Variants in RPTOR observed in about 807,000 individuals in gnomAD.
RPTOR encodes regulatory associated protein of MTOR complex 1.
RPTOR carries 21 observed loss-of-function variants against 169.9 expected under a neutral mutation model. That is an observed-to-expected ratio of 0.12 (90% CI 0.09 to 0.18). RPTOR has a LOEUF of 0.18. RPTOR is among the 10% of genes least tolerant of loss of function. The pLI, the probability that RPTOR is intolerant of heterozygous loss-of-function variation, is 1.00. For missense variants in RPTOR, 1,133 were observed against 1,855.9 expected, an observed-to-expected ratio of 0.61 and a Z score of 7.16; for synonymous variants, 732 against 753.2, an observed-to-expected ratio of 0.97 and a Z score of 0.46.
At chr17:80,930,317 T>TCAGCC in intron 24 of RPTOR, among the ~76,000 whole-genome samples, 1 of 21,322 alleles carries the variant, frequency 4.7e-5, no homozygotes, top group Non-Finnish European at 9.1e-5. Flanking sequence ...CATCCCCAGC[T>TCAGCC]CAGCTCAGCT....
At position 80,845,144 on chromosome 17, in the gene RPTOR, C is replaced by T. The variant is rs1319109572; in HGVS notation, c.1213-1329C>T. 5.3e-5 allele frequency among the ~76,000 whole-genome samples: 8 copies of T among 152,134 alleles called. No individual in the cohort carries two copies. Among genetic ancestry groups the T allele is most frequent in the African/African-American group, 1.9e-4 (8 of 41,442 alleles). On this transcript the variant is annotated intron_variant, in intron 10 of 33. Coordinates refer to ENST00000306801, the MANE Select transcript of RPTOR (RefSeq NM_020761.3). This position sits in a 1 kb window ranked among gnomAD's most constrained non-coding sequence, Gnocchi z 5.4. ...CCTCCCCTGCAGCCTTCACGCTCTC[C>T]AGCCGCAGGCCCAGCAGCCCTGCTG...
intron 13 of RPTOR, among the ~76,000 whole-genome samples, chr17:80,871,897 C>T (rs1465278970): frequency 6.6e-6 from 1 of 152,164 alleles, no homozygotes; most frequent in Admixed American, 6.5e-5. Context: ...AACAGTTTTA[C>T]CCTTTCTGCA....
intron 9 of RPTOR, among the ~76,000 whole-genome samples, chr17:80,831,909 C>T (rs1300405285): frequency 6.6e-6 from 1 of 152,188 alleles, no homozygotes; most frequent in Non-Finnish European, 1.5e-5. Flanking sequence ...TAAAATTTAA[C>T]AAGAAGCCAG....
chr17:80,959,991 C>A lies in RPTOR; in HGVS notation c.3478-87C>A. On this transcript the variant is annotated intron_variant, in intron 29 of 33. Transcript: ENST00000306801. This position sits in a 1 kb window ranked among gnomAD's most constrained non-coding sequence, Gnocchi z 6.7. The stretch of plus-strand genomic sequence containing the variant: ...AGGGTGATCCCCACAGCCAGGCAGG[C>A]AGCAAGAGGGGTCCTGGCGCTGCAG... The A allele has an allele frequency of 6.5e-7, 1 of 1,531,172 alleles. No individual in the cohort carries two copies. Among genetic ancestry groups the A allele is most frequent in the Non-Finnish European group, 8.9e-7 (1 of 1,119,150 alleles). 94.8% of individuals were successfully genotyped at this position (1,531,172 alleles called of 1,614,324 possible).
chr17:80,758,759 C>T (rs187067309), intron 6 of RPTOR, among the ~76,000 whole-genome samples: 144 of 152,178 alleles, frequency 9.5e-4, no homozygotes, highest in African/African-American at 3.4e-3. Context: ...CCAGCTCTGC[C>T]TTTAGACTCT....
intron 6 of RPTOR, among the ~76,000 whole-genome samples, chr17:80,787,107 C>A (rs1394187998): frequency 6.6e-6 from 1 of 152,242 alleles, no homozygotes; most frequent in Non-Finnish European, 1.5e-5. Context: ...GTGCCGGGCT[C>A]ATCATCCCTT....
chr17:80,602,608 TA>T, intron 1 of RPTOR: 1 of 637,568 alleles, frequency 1.6e-6, no homozygotes. Flanking sequence ...GGTACATAGG[TA>T]ACCAAAGTAT....
intron 3 of RPTOR, among the ~76,000 whole-genome samples, chr17:80,672,562 G>C (rs984809894): frequency 6.6e-6 from 1 of 151,996 alleles, no homozygotes; most frequent in East Asian, 1.9e-4. Flanking sequence ...AGGCCGAGGC[G>C]GGCAGATCAC....
At chr17:80,857,405 CCGTCACAGGTGGCCGTGG>C (rs2067865332) in intron 12 of RPTOR, among the ~76,000 whole-genome samples, 1 of 152,008 alleles carries the variant, frequency 6.6e-6, no homozygotes, top group South Asian at 2.1e-4. Flanking sequence ...GGTGGCCGTG[CCGTCACAGGTGGCCGTGG>C]CTCGTACGTG....
chr17:80,831,853 G>GTCACTGTGTA (rs11280580), intron 9 of RPTOR, among the ~76,000 whole-genome samples: 112,097 of 151,130 alleles, frequency 0.74, 41,978 homozygotes, highest in East Asian at 0.95. Context: ...ATCCCTGTGT[G>GTCACTGTGTA]TGCCTGTATG....
chr17:80,610,773 T>A (rs1281689394), intron 1 of RPTOR, among the ~76,000 whole-genome samples: 1 of 152,152 alleles, frequency 6.6e-6, no homozygotes, highest in Non-Finnish European at 1.5e-5. Flanking sequence ...AGAGTGCTTC[T>A]CTTGAAGGAA....
chr17:80,553,214 C>CT (rs1160232971), intron 1 of RPTOR, among the ~76,000 whole-genome samples: 3 of 152,224 alleles, frequency 2.0e-5, no homozygotes, highest in African/African-American at 7.2e-5. Flanking sequence ...AAGCACACAT[C>CT]TTTTTCAGAC....
intron 7 of RPTOR, among the ~76,000 whole-genome samples, chr17:80,806,707 A>G (rs1468134503): frequency 3.9e-5 from 6 of 152,176 alleles, no homozygotes; most frequent in Admixed American, 3.9e-4. Context: ...TCCCTGCTCT[A>G]CCATCATCAG....
chr17:80,667,214 A>G (rs1460699812), intron 3 of RPTOR, among the ~76,000 whole-genome samples: 1 of 152,158 alleles, frequency 6.6e-6, no homozygotes, highest in East Asian at 1.9e-4. Context: ...TCCATACCAC[A>G]TTGGAAGAGT....
At chr17:80,922,680 G>T (rs191623336) in intron 21 of RPTOR, 44 bp from the exon 22 acceptor site, 1 of 1,478,196 alleles carries the variant, frequency 6.8e-7, no homozygotes. Context: ...CCTCCGCGGA[G>T]CACGTCCCGT....
intron 13 of RPTOR, among the ~76,000 whole-genome samples, chr17:80,879,399 GCCTGCCCTGCCCCCA>G (rs1328260276): frequency 6.3e-4 from 6 of 9,524 alleles, no homozygotes; most frequent in East Asian, 1.8e-3. Flanking sequence ...CCCTGCCCCC[GCCTGCCCTGCCCCCA>G]CCTGCCCTGC....
chr17:80,567,095 C>T (rs560193121), intron 1 of RPTOR, among the ~76,000 whole-genome samples: 5 of 151,736 alleles, frequency 3.3e-5, no homozygotes, highest in South Asian at 2.1e-4. Flanking sequence ...CTCAGCCTCT[C>T]GAGTAGCTGG....
At chr17:80,863,475 A>G (rs1662788820) in intron 13 of RPTOR, among the ~76,000 whole-genome samples, 1 of 152,220 alleles carries the variant, frequency 6.6e-6, no homozygotes, top group Non-Finnish European at 1.5e-5. Context: ...AAAAAGTTAG[A>G]AGTCTACTCT....
At chr17:80,663,037 A>G (rs144928922) in intron 3 of RPTOR, among the ~76,000 whole-genome samples, 134 of 152,058 alleles carry the variant, frequency 8.8e-4, no homozygotes, top group Non-Finnish European at 1.5e-3. Flanking sequence ...GGCCTCACTT[A>G]TTTTTTACCT....
Sources: allele counts gnomAD v4.1 joint callset (sites outside exome capture counted in the v4.1 genomes callset), GRCh38; gene constraint gnomAD v4.1.1; non-coding constraint Gnocchi (gnomAD v3.1); transcripts MANE v1.5; gene names NCBI Gene and HGNC (gene_info 2026-07-23, HGNC 2026-07-21).